The following FAM135B variants were observed in gnomAD, a reference collection of about 807,000 sequenced individuals.
The protein encoded by FAM135B is protein FAM135B.
In FAM135B, 43 loss-of-function variants were observed where a neutral mutation model predicts 127.7. The observed-to-expected ratio is 0.34, with a 90% CI of 0.26 to 0.43. The LOEUF (loss-of-function observed/expected upper bound fraction) is 0.43. FAM135B is among the 20% of genes least tolerant of loss of function. The pLI is 1.00. For missense variants in FAM135B, 1,558 were observed against 1,725.6 expected (o/e 0.90, Z 1.72); for synonymous variants, 670 against 665.1 (o/e 1.01, Z -0.11).
chr8:138,167,797 T>G, intron 12 of FAM135B, 98 bp downstream of exon 12: 2 of 1,338,786 alleles, frequency 1.5e-6, no homozygotes, highest in East Asian at 5.0e-5. Context: ...TTCATTAATT[T>G]GGTCTCACTT....
At chr8:138,482,181 C>A (rs1814807729) in intron 1 of FAM135B, among the ~76,000 whole-genome samples, 1 of 152,144 alleles carries the variant, frequency 6.6e-6, no homozygotes, top group African/African-American at 2.4e-5. Context: ...GTAGGCCGTG[C>A]AGGAGTGACA....
At chr8:138,448,325 T>A (rs1312449822) in intron 1 of FAM135B, among the ~76,000 whole-genome samples, 1 of 152,082 alleles carries the variant, frequency 6.6e-6, no homozygotes, top group Non-Finnish European at 1.5e-5. Flanking sequence ...CTAATGTAAG[T>A]GGGTCACATC....
intron 1 of FAM135B, among the ~76,000 whole-genome samples, chr8:138,490,403 C>A (rs1054580801): frequency 6.6e-6 from 1 of 152,204 alleles, no homozygotes. Flanking sequence ...AACACAGGGA[C>A]CTGCAGGGCC....
At chr8:138,424,769 C>G (rs1219439496) in intron 1 of FAM135B, among the ~76,000 whole-genome samples, 2 of 152,112 alleles carry the variant, frequency 1.3e-5, no homozygotes, top group Non-Finnish European at 2.9e-5. Context: ...TAGTTGTTGT[C>G]TCAATAAATA....
chr8:138,419,545 C>T (rs990062404), intron 1 of FAM135B, among the ~76,000 whole-genome samples: 3 of 152,140 alleles, frequency 2.0e-5, no homozygotes, highest in African/African-American at 7.2e-5. Flanking sequence ...CCAACAATAA[C>T]AGAATATACA....
intron 1 of FAM135B, among the ~76,000 whole-genome samples, chr8:138,452,124 CTTTTTTTTTT>C (rs1158033996): frequency 9.6e-6 from 1 of 104,184 alleles, no homozygotes; most frequent in South Asian, 3.2e-4. Flanking sequence ...ACCCAATCTG[CTTTTTTTTTT>C]TTTTTTTTTT....
chr8:138,242,288 G>C lies in FAM135B; in HGVS notation c.669+654C>G, dbSNP rs961376040. On this transcript the variant is annotated intron_variant, in intron 7 of 19. Coordinates refer to ENST00000395297, the MANE Select transcript of FAM135B (RefSeq NM_015912.4). The surrounding 1 kb of genome is among the most constrained non-coding windows in gnomAD (Gnocchi z 9.6). The stretch of plus-strand genomic sequence containing the variant: ...ATACAGGCTGTTTATTTATGAGTAG[G>C]CCACTAATAAAAACATAGCATATAC... Among the ~76,000 whole-genome samples, 63 of 150,612 alleles carry C rather than the reference G, an allele frequency of 4.2e-4. No individual in the cohort carries two copies. The highest frequency in any genetic ancestry group is 1.5e-3 in the African/African-American group (60 of 40,934).
At chr8:138,367,046 G>A (rs557851478) in intron 2 of FAM135B, among the ~76,000 whole-genome samples, 5 of 152,172 alleles carry the variant, frequency 3.3e-5, no homozygotes, top group South Asian at 4.2e-4. Flanking sequence ...CAGTAGAACC[G>A]CCCAGCTGAG....
chr8:138,197,275 G>T (rs769377172), intron 8 of FAM135B, among the ~76,000 whole-genome samples: 1 of 152,180 alleles, frequency 6.6e-6, no homozygotes, highest in East Asian at 1.9e-4. Context: ...GTACTCAATA[G>T]ATGTCTGGCA....
intron 17 of FAM135B, among the ~76,000 whole-genome samples, chr8:138,140,758 T>TA (rs1363792111): frequency 6.6e-6 from 1 of 152,160 alleles, no homozygotes; most frequent in African/African-American, 2.4e-5. Context: ...CAAACACAGA[T>TA]ACACACACAC....
At chr8:138,143,141 A>G in intron 15 of FAM135B, 32 bp from the exon 16 acceptor site, 1 of 1,303,978 alleles carries the variant, frequency 7.7e-7, no homozygotes, top group Non-Finnish European at 1.1e-6. Flanking sequence ...GGTGTTGGGT[A>G]TGGTTGTGGC....
intron 2 of FAM135B, among the ~76,000 whole-genome samples, chr8:138,339,151 C>G (rs1828848219): frequency 6.6e-6 from 1 of 151,490 alleles, no homozygotes; most frequent in Non-Finnish European, 1.5e-5. Flanking sequence ...GGAGATACAC[C>G]TAATGTTAAA....
In FAM135B at chr8:138,191,917, T is replaced by C. The variant is rs546465756; in HGVS notation, c.873+3341A>G. On this transcript the variant is annotated intron_variant, in intron 9 of 19. Coordinates refer to ENST00000395297, the MANE Select transcript of FAM135B (RefSeq NM_015912.4). The stretch of plus-strand genomic sequence containing the variant: ...TGCACAGGGCCAGACCTCATGGACT[T>C]CATCTCTATTCCCTGCACCGATGCT... 1.7e-4 allele frequency among the ~76,000 whole-genome samples: 26 copies of C among 152,310 alleles called. 1 individual carries two copies. Among genetic ancestry groups the C allele is most frequent in the African/African-American group, 6.3e-4 (26 of 41,566 alleles).
At chr8:138,370,389 C>T (rs1831036742) in intron 1 of FAM135B, among the ~76,000 whole-genome samples, 1 of 151,974 alleles carries the variant, frequency 6.6e-6, no homozygotes, top group South Asian at 2.1e-4. Context: ...GGCATTATAA[C>T]CAAACACCCA....
At chr8:138,144,798 A>C (rs1817521089) in intron 15 of FAM135B, among the ~76,000 whole-genome samples, 1 of 152,186 alleles carries the variant, frequency 6.6e-6, no homozygotes, top group African/African-American at 2.4e-5. Flanking sequence ...TGAACCCAGC[A>C]GCCATGAAGC....
intron 11 of FAM135B, among the ~76,000 whole-genome samples, chr8:138,176,659 G>A (rs62530863): frequency 2.6e-5 from 4 of 152,172 alleles, no homozygotes; most frequent in South Asian, 2.1e-4. Context: ...TGATGGATGG[G>A]TCTCATGTGT....
chr8:138,416,461 A>G (rs958298401), intron 1 of FAM135B, among the ~76,000 whole-genome samples: 1 of 152,282 alleles, frequency 6.6e-6, no homozygotes, highest in African/African-American at 2.4e-5. Flanking sequence ...AATAATATGC[A>G]TAATCATATT....
At position 138,441,208 on chromosome 8, in the gene FAM135B, AG is replaced by A. The variant is rs1835744667; in HGVS notation, c.-20+55462del. 4 of 152,356 alleles carry A rather than the reference AG, an allele frequency of 2.6e-5. 1 individual carries two copies. In the South Asian group the frequency reaches 8.3e-4, roughly 32 times the overall value. The allele number at this position is 152,356 out of a possible 1,614,324, so 9.4% of individuals were successfully genotyped here. On this transcript the variant is annotated intron_variant, in intron 1 of 19. Coordinates refer to ENST00000395297, the MANE Select transcript of FAM135B (RefSeq NM_015912.4). ...TAAACAGAGGAAAATAACAAGATCT[AG>A]CCTTCAGACTGTCTATCAACTCAGC... is the stretch of plus-strand genomic sequence containing the variant.
At chr8:138,300,725 T>C (rs1354603807) in intron 3 of FAM135B, among the ~76,000 whole-genome samples, 1 of 149,478 alleles carries the variant, frequency 6.7e-6, no homozygotes, top group African/African-American at 2.5e-5. Context: ...AATATTTTCT[T>C]CCCGTGCCAT....
Sources: allele counts gnomAD v4.1 joint callset (sites outside exome capture counted in the v4.1 genomes callset), GRCh38; gene constraint gnomAD v4.1.1; non-coding constraint Gnocchi (gnomAD v3.1); transcripts MANE v1.5; gene names NCBI Gene and HGNC (gene_info 2026-07-23, HGNC 2026-07-21).